The following EPHA3 variants were observed in gnomAD, a reference collection of about 807,000 sequenced individuals.
The protein encoded by EPHA3 is EPH receptor A3.
In EPHA3, 42 loss-of-function variants were observed where a neutral mutation model predicts 107.1. That is an observed-to-expected ratio of 0.39 (90% CI 0.31 to 0.51). The LOEUF is 0.51. Ranked by LOEUF, EPHA3 falls within the 20% of genes least tolerant of loss-of-function variation. The pLI, the probability that EPHA3 is intolerant of heterozygous loss-of-function variation, is 0.78. For missense variants in EPHA3, 1,183 were observed against 1,211.2 expected (o/e 0.98, Z 0.35); for synonymous variants, 461 against 424.8 (o/e 1.09, Z -1.05).
intron 7 of EPHA3, among the ~76,000 whole-genome samples, chr3:89,401,151 T>C (rs1478336830): frequency 6.6e-6 from 1 of 152,216 alleles, no homozygotes; most frequent in Non-Finnish European, 1.5e-5. Flanking sequence ...ATAGTATTTA[T>C]TCCATCAAGT....
At chr3:89,445,045 G>A (rs979273295) in intron 13 of EPHA3, among the ~76,000 whole-genome samples, 1 of 152,152 alleles carries the variant, frequency 6.6e-6, no homozygotes, top group African/African-American at 2.4e-5. Context: ...GTGGGAAAAT[G>A]ACTTGAGGCC....
chr3:89,193,592 C>A (rs1055844136), intron 2 of EPHA3, among the ~76,000 whole-genome samples: 3 of 151,758 alleles, frequency 2.0e-5, no homozygotes, highest in Admixed American at 1.3e-4. Flanking sequence ...TTGAACATTT[C>A]CAACAGAAAG....
At chr3:89,110,007 G>A (rs1283522975) in intron 1 of EPHA3, among the ~76,000 whole-genome samples, 1 of 151,922 alleles carries the variant, frequency 6.6e-6, no homozygotes, top group African/African-American at 2.4e-5. Context: ...CATGAAAAGT[G>A]AAAATGCCAA....
chr3:89,466,424 C>T (rs1403016067), intron 15 of EPHA3, among the ~76,000 whole-genome samples: 2 of 118,070 alleles, frequency 1.7e-5, no homozygotes, highest in Non-Finnish European at 1.8e-5. Context: ...GCGCCCCTCC[C>T]CCAGCCTCGT....
chr3:89,467,138 G>A (rs2107570225), intron 15 of EPHA3, among the ~76,000 whole-genome samples: 1 of 152,078 alleles, frequency 6.6e-6, no homozygotes, highest in African/African-American at 2.4e-5. Context: ...AAGGTCATCG[G>A]CAATCAACAT....
At chr3:89,405,051 A>G (rs1486850825) in intron 7 of EPHA3, among the ~76,000 whole-genome samples, 1 of 152,214 alleles carries the variant, frequency 6.6e-6, no homozygotes, top group Non-Finnish European at 1.5e-5. Context: ...TGAAACTATA[A>G]GAGCTTTATA....
At chr3:89,248,819 T>G (rs1008308209) in intron 3 of EPHA3, among the ~76,000 whole-genome samples, 2 of 152,210 alleles carry the variant, frequency 1.3e-5, no homozygotes, top group African/African-American at 4.8e-5. Flanking sequence ...ACTTTGCTTC[T>G]ACATAAATTC....
chr3:89,233,084 C>A (rs981427540), intron 3 of EPHA3, among the ~76,000 whole-genome samples: 1 of 151,970 alleles, frequency 6.6e-6, no homozygotes, highest in Non-Finnish European at 1.5e-5. Context: ...TAAATACTTA[C>A]GTTACAAGGT....
chr3:89,388,679 T>A (rs1049741031), intron 5 of EPHA3, among the ~76,000 whole-genome samples: 2 of 152,184 alleles, frequency 1.3e-5, no homozygotes, highest in Non-Finnish European at 2.9e-5. Flanking sequence ...TGAGGAGCAC[T>A]AAATAATAAT....
chr3:89,269,605 TTC>T (rs1452056828), intron 3 of EPHA3, among the ~76,000 whole-genome samples: 1 of 151,574 alleles, frequency 6.6e-6, no homozygotes, highest in Non-Finnish European at 1.5e-5. Flanking sequence ...TTTTTTTTCT[TTC>T]TTTTTTTTTT....
chr3:89,368,587 A>G (rs1708227616), intron 5 of EPHA3, among the ~76,000 whole-genome samples: 1 of 150,502 alleles, frequency 6.6e-6, no homozygotes. Context: ...TGTAATTCTT[A>G]GAATTAGCAG....
At chr3:89,385,139 T>C (rs1409381564) in intron 5 of EPHA3, among the ~76,000 whole-genome samples, 3 of 152,230 alleles carry the variant, frequency 2.0e-5, no homozygotes, top group Non-Finnish European at 4.4e-5. Flanking sequence ...TCTAAAAGGA[T>C]TTCATTATGA....
chr3:89,289,485 G>C (rs984378342), intron 3 of EPHA3, among the ~76,000 whole-genome samples: 1 of 152,100 alleles, frequency 6.6e-6, no homozygotes, highest in African/African-American at 2.4e-5. Context: ...TGGGATCCTG[G>C]AGTAGACAGG....
At chr3:89,266,439 C>T (rs1440787194) in intron 3 of EPHA3, among the ~76,000 whole-genome samples, 5 of 152,130 alleles carry the variant, frequency 3.3e-5, no homozygotes, top group African/African-American at 1.2e-4. Context: ...AGTTCTGTTT[C>T]ACATTTTAGT....
intron 1 of EPHA3, among the ~76,000 whole-genome samples, chr3:89,122,134 T>C (rs1354569094): frequency 6.6e-6 from 1 of 152,212 alleles, no homozygotes; most frequent in African/African-American, 2.4e-5. Context: ...TGTAGTCCTG[T>C]AACCTAGAGC....
rs546272246 is a variant in EPHA3, at chr3:89,363,287, A to C, written c.1306+21197A>C. Among the ~76,000 whole-genome samples, 673 of 150,484 alleles carry C rather than the reference A, an allele frequency of 4.5e-3. 14 individuals carry two copies. The highest frequency in any genetic ancestry group is 0.017 in the Middle Eastern group (5 of 292). On this transcript the variant is annotated intron_variant, in intron 5 of 16. Coordinates refer to ENST00000336596, the MANE Select transcript of EPHA3 (RefSeq NM_005233.6). ...GAGAGAGATAGCGAGGGGGCAGGAG[A>C]CAGAGAGAGAGTGAGAGAGAGAGAG...
intron 5 of EPHA3, among the ~76,000 whole-genome samples, chr3:89,347,943 C>G (rs1237634483): frequency 1.3e-5 from 2 of 151,176 alleles, no homozygotes; most frequent in African/African-American, 2.4e-5. Context: ...ATTGGACCAG[C>G]CTTGCATCCC....
chr3:89,219,688 G>T (rs1422530063), intron 3 of EPHA3, among the ~76,000 whole-genome samples: 51 of 34,418 alleles, frequency 1.5e-3, no homozygotes, highest in South Asian at 2.3e-3. Flanking sequence ...ATTTGGCAAT[G>T]TTTTTTTTTT....
At chr3:89,387,478 T>G (rs139977125) in intron 5 of EPHA3, among the ~76,000 whole-genome samples, 1 of 152,182 alleles carries the variant, frequency 6.6e-6, no homozygotes, top group Admixed American at 6.5e-5. Flanking sequence ...TGAGTAACTA[T>G]GTCAATTAAG....
Sources: allele counts gnomAD v4.1 joint callset (sites outside exome capture counted in the v4.1 genomes callset), GRCh38; gene constraint gnomAD v4.1.1; transcripts MANE v1.5; gene names NCBI Gene and HGNC (gene_info 2026-07-23, HGNC 2026-07-21).